The following HM13 variants were observed in gnomAD, a reference collection of about 807,000 sequenced individuals.
HM13 encodes the protein signal peptide peptidase.
In HM13, 18 loss-of-function variants were observed where a neutral mutation model predicts 50.0. That is an observed-to-expected ratio of 0.36 (90% CI 0.25 to 0.53). The LOEUF is 0.53. HM13 is among the 20% of genes least tolerant of loss of function. The probability of loss-of-function intolerance (pLI) is 0.90; values close to 1 mark genes in which losing one functional copy is unlikely to be tolerated. For synonymous variants in HM13, 197 were observed against 232.6 expected (o/e 0.85, Z 1.39); for missense variants, 393 against 552.4 (o/e 0.71, Z 2.89).
At chr20:31,546,328 G>C (rs939355611) in intron 4 of HM13, among the ~76,000 whole-genome samples, 1 of 152,070 alleles carries the variant, frequency 6.6e-6, no homozygotes, top group Admixed American at 6.5e-5. Flanking sequence ...GAGCCACCGC[G>C]CCCGGCCGTA....
At chr20:31,556,893 C>T (rs913267640) in intron 8 of HM13, among the ~76,000 whole-genome samples, 9 of 151,708 alleles carry the variant, frequency 5.9e-5, no homozygotes, top group African/African-American at 2.2e-4. Context: ...GTGGCGGGCG[C>T]GTGTAGTCCC....
At chr20:31,542,239 A>G (rs1021693235) in intron 3 of HM13, among the ~76,000 whole-genome samples, 3 of 152,248 alleles carry the variant, frequency 2.0e-5, no homozygotes, top group Non-Finnish European at 4.4e-5. Flanking sequence ...TACCTTGTGT[A>G]GTCACCAAGA....
intron 10 of HM13, among the ~76,000 whole-genome samples, chr20:31,565,481 CAAAAA>C (rs549803053): frequency 5.6e-5 from 5 of 90,078 alleles, no homozygotes; most frequent in African/African-American, 1.5e-4. Flanking sequence ...GACTCTGTCT[CAAAAA>C]AAAAAAAAAA....
At chr20:31,532,324 C>G (rs1982867574) in intron 2 of HM13, among the ~76,000 whole-genome samples, 1 of 152,164 alleles carries the variant, frequency 6.6e-6, no homozygotes, top group Non-Finnish European at 1.5e-5. Context: ...ACTTGGGAGG[C>G]TGAGGCAGGA....
At chr20:31,522,745 G>A (rs936072827) in intron 1 of HM13, among the ~76,000 whole-genome samples, 9 of 152,024 alleles carry the variant, frequency 5.9e-5, no homozygotes, top group Non-Finnish European at 1.2e-4. Context: ...GCATAATAAT[G>A]ATACAAATGG....
chr20:31,545,216 C>T (rs532835629), intron 4 of HM13, among the ~76,000 whole-genome samples, 181 bp downstream of exon 4: 50 of 152,296 alleles, frequency 3.3e-4, no homozygotes, highest in Non-Finnish European at 5.0e-4. Context: ...GGGTGAACGC[C>T]TTACCTCTCT....
intron 1 of HM13, among the ~76,000 whole-genome samples, chr20:31,519,820 T>C (rs1982039687): frequency 6.6e-6 from 1 of 151,466 alleles, no homozygotes; most frequent in African/African-American, 2.4e-5. Context: ...TTCTCAAAAT[T>C]GGTGGGTCGA....
chr20:31,545,054 C>G lies in HM13; in HGVS notation c.454+19C>G, dbSNP rs1222393286. ...AAGGAAGGTCAGTGCTAACCACTTT[C>G]CCCTGTAGTGTGCCTTGGGTGTCTT... On this transcript the variant is annotated intron_variant, in intron 4 of 12. Coordinates refer to ENST00000398174, the MANE Select transcript of HM13 (RefSeq NM_178581.3). 1 of 1,593,300 alleles carries G rather than the reference C, an allele frequency of 6.3e-7. No individual in the cohort carries two copies. Among genetic ancestry groups the G allele is most frequent in the Admixed American group, 1.7e-5 (1 of 59,988 alleles).
chr20:31,532,966 C>G (rs911021723), intron 2 of HM13, among the ~76,000 whole-genome samples: 4 of 152,342 alleles, frequency 2.6e-5, no homozygotes, highest in Non-Finnish European at 4.4e-5. Context: ...GCAGGTAAGC[C>G]TCAGTCTGCC....
rs1983883505 is a variant in HM13, at chr20:31,549,128, A to G, written c.540+14A>G. The G allele has an allele frequency of 6.2e-7, 1 of 1,613,888 alleles. No homozygotes were observed. Among genetic ancestry groups the G allele is most frequent in the Non-Finnish European group, 8.5e-7 (1 of 1,179,784 alleles). On this transcript the variant is annotated intron_variant, in intron 5 of 12. Coordinates refer to ENST00000398174, the MANE Select transcript of HM13 (RefSeq NM_178581.3). ...CTGCTGAGGAAGGTGAGTAGTCAGG[A>G]CCTGGGCAGAAGGGGAGGATGGGGT...
intron 2 of HM13, among the ~76,000 whole-genome samples, chr20:31,533,977 T>G (rs1982967580): frequency 6.6e-6 from 1 of 152,140 alleles, no homozygotes; most frequent in Non-Finnish European, 1.5e-5. Context: ...ACTCCCAGGC[T>G]CAGTTAATCT....
rs769893238 is a variant in HM13, at chr20:31,568,045, T to C, written c.1035-33T>C. On this transcript the variant is annotated intron_variant, in intron 11 of 12. Coordinates refer to ENST00000398174, the MANE Select transcript of HM13 (RefSeq NM_178581.3). ...CCCTTAGTCTTTCCCTATCCATCTC[T>C]TTTTTTCTGTCTCTTCTCTCTCTCT... 4.5e-6 allele frequency: 7 copies of C among 1,541,448 alleles called. No homozygotes were observed. The African/African-American group carries it at 8.6e-5, about 19-fold the overall frequency.
At chr20:31,543,728 G>A (rs1054561619) in intron 3 of HM13, among the ~76,000 whole-genome samples, 5 of 151,672 alleles carry the variant, frequency 3.3e-5, no homozygotes, top group African/African-American at 4.8e-5. Context: ...TCAGGAGATC[G>A]AGACCATCCT....
At chr20:31,547,855 T>C in intron 4 of HM13, 3 of 962,370 alleles carry the variant, frequency 3.1e-6, no homozygotes, top group Non-Finnish European at 5.1e-6. Context: ...AGGTTTAACT[T>C]CTCCTGGAGC....
At chr20:31,526,499 GATCTGTTACTCCATTTTCAATTCTTTTCC>G (rs1453612770) in intron 1 of HM13, among the ~76,000 whole-genome samples, 1 of 152,102 alleles carries the variant, frequency 6.6e-6, no homozygotes, top group Non-Finnish European at 1.5e-5. Flanking sequence ...TTCCTATGTT[GATCTGTTACTCCATTTTCAATTCTTTTCC>G]ATTTTTATAA....
intron 3 of HM13, chr20:31,538,938 G>C: frequency 2.4e-6 from 1 of 410,220 alleles, no homozygotes; most frequent in Non-Finnish European, 3.3e-6. Context: ...GGTTGCTTTT[G>C]CTTTCACACC....
At position 31,549,203 on chromosome 20, in the gene HM13, T is replaced by A. The variant is rs751959392; in HGVS notation, c.541-4T>A. On this transcript the variant is annotated splice_polypyrimidine_tract_variant and splice_region_variant and intron_variant, in intron 5 of 12. Coordinates refer to ENST00000398174, the MANE Select transcript of HM13 (RefSeq NM_178581.3). ...AAGCTGGTCTCACTCCCCGCTTTCC[T>A]CAGCACTGGATTGCCAACAACCTTT... 45 of 1,614,104 alleles carry A rather than the reference T, an allele frequency of 2.8e-5. No homozygotes were observed. The highest frequency in any genetic ancestry group is 1.2e-4 in the Admixed American group (7 of 60,010).
chr20:31,523,121 A>G (rs1437694058), intron 1 of HM13, among the ~76,000 whole-genome samples: 1 of 143,860 alleles, frequency 7.0e-6, no homozygotes, highest in Non-Finnish European at 1.5e-5. Context: ...CACGATCCCC[A>G]CTCACTACGG....
intron 1 of HM13, among the ~76,000 whole-genome samples, chr20:31,519,813 T>C (rs1982039280): frequency 6.6e-6 from 1 of 151,758 alleles, no homozygotes; most frequent in South Asian, 2.1e-4. Context: ...GATAAATTTC[T>C]CAAAATTGGT....
Sources: allele counts gnomAD v4.1 joint callset (sites outside exome capture counted in the v4.1 genomes callset), GRCh38; gene constraint gnomAD v4.1.1; transcripts MANE v1.5; gene names NCBI Gene and HGNC (gene_info 2026-07-23, HGNC 2026-07-21).